BCAR3: variants seen among roughly 807,000 people sequenced by gnomAD.
The protein encoded by BCAR3 is BCAR3 adaptor protein, NSP family member.
A neutral mutation model predicts 80.1 loss-of-function variants in BCAR3; 37 were observed. The observed-to-expected ratio is 0.46, with a 90% CI of 0.36 to 0.61. BCAR3 has a LOEUF of 0.61. Among genes scored for constraint, BCAR3 ranks in the 20% least tolerant of loss-of-function variants. BCAR3 has a pLI of 0.00. For synonymous variants in BCAR3, 389 were observed against 418.9 expected (o/e 0.93, Z 0.87); for missense variants, 978 against 1,068.2 (o/e 0.92, Z 1.18).
In BCAR3 at chr1:93,702,641, G is replaced by A. The variant is rs537964965; in HGVS notation, c.-12+3451C>T. The stretch of plus-strand genomic sequence containing the variant: ...GAGCTCTCTCAGAGGCAGACATGAA[G>A]CCAAAGCACTTCATTAAGACAGGAG... On this transcript the variant is annotated intron_variant, in intron 3 of 13. Coordinates refer to the BCAR3 transcript ENST00000370244. Among the ~76,000 whole-genome samples the A allele has an allele frequency of 3.3e-5, 5 of 152,326 alleles. No homozygotes were observed. The South Asian group carries it at 1.0e-3, about 32-fold the overall frequency.
intron 2 of BCAR3, among the ~76,000 whole-genome samples, chr1:93,832,577 G>C (rs1478074943): frequency 6.6e-6 from 1 of 152,172 alleles, no homozygotes; most frequent in Non-Finnish European, 1.5e-5. Context: ...CATCACAGAT[G>C]CTTTGGGTAA....
chr1:93,845,502 A>ATATATCTCTATATCTCATGTTGTC, intron 2 of BCAR3: 1 of 113,822 alleles, frequency 8.8e-6, no homozygotes, highest in Non-Finnish European at 1.8e-5. Flanking sequence ...ATATATATAT[A>ATATATCTCTATATCTCATGTTGTC]AAACTTTGTT....
intron 2 of BCAR3, among the ~76,000 whole-genome samples, chr1:93,826,566 T>C (rs996418682): frequency 5.3e-5 from 8 of 152,190 alleles, no homozygotes; most frequent in African/African-American, 1.9e-4. Context: ...GGGCCTACCG[T>C]GTGCAGGAAG....
At chr1:93,833,028 G>A (rs952101367) in intron 2 of BCAR3, among the ~76,000 whole-genome samples, 1 of 151,996 alleles carries the variant, frequency 6.6e-6, no homozygotes, top group Non-Finnish European at 1.5e-5. Flanking sequence ...TCACCCTACT[G>A]GGGGAACTAG....
intron 2 of BCAR3, among the ~76,000 whole-genome samples, chr1:93,734,343 C>G (rs535818882): frequency 6.6e-6 from 1 of 152,154 alleles, no homozygotes; most frequent in South Asian, 2.1e-4. Flanking sequence ...AAACATTGCT[C>G]TATGACTTCA....
intron 3 of BCAR3, among the ~76,000 whole-genome samples, chr1:93,615,439 C>T (rs1041267927): frequency 3.9e-5 from 6 of 152,192 alleles, no homozygotes; most frequent in African/African-American, 1.2e-4. Context: ...ATTGCCACAG[C>T]GAGTGTGGGC....
intron 2 of BCAR3, among the ~76,000 whole-genome samples, chr1:93,827,188 A>G (rs1654402188): frequency 6.6e-6 from 1 of 152,178 alleles, no homozygotes; most frequent in Non-Finnish European, 1.5e-5. Context: ...AACAAGTGAA[A>G]CAAAAGCACC....
chr1:93,827,756 G>A (rs1654420393), intron 2 of BCAR3, among the ~76,000 whole-genome samples: 1 of 151,916 alleles, frequency 6.6e-6, no homozygotes, highest in Non-Finnish European at 1.5e-5. Flanking sequence ...GGAGAGAAAG[G>A]AGAAGGGAGG....
At chr1:93,703,711 T>C (rs773185014) in intron 3 of BCAR3, among the ~76,000 whole-genome samples, 12 of 152,202 alleles carry the variant, frequency 7.9e-5, no homozygotes, top group Non-Finnish European at 1.6e-4. Flanking sequence ...AACAATATTA[T>C]TGAGCCCCAC....
At chr1:93,571,636 A>G (rs1312018239) in intron 9 of BCAR3, 34 bp downstream of exon 9, 2 of 1,610,778 alleles carry the variant, frequency 1.2e-6, no homozygotes, top group Admixed American at 3.3e-5. Flanking sequence ...TCTTTACAGA[A>G]CATTAAGTAC....
At chr1:93,837,690 G>A (rs1654818083) in intron 2 of BCAR3, among the ~76,000 whole-genome samples, 1 of 152,192 alleles carries the variant, frequency 6.6e-6, no homozygotes, top group Admixed American at 6.5e-5. Context: ...AGTCCTGTAA[G>A]TAAGCCATAT....
At chr1:93,780,805 A>G (rs2100757704) in intron 2 of BCAR3, among the ~76,000 whole-genome samples, 1 of 152,328 alleles carries the variant, frequency 6.6e-6, no homozygotes, top group East Asian at 1.9e-4. Flanking sequence ...CCTCACTGAT[A>G]CCCCTTAACC....
At chr1:93,694,770 G>T (rs1395647170) in intron 3 of BCAR3, among the ~76,000 whole-genome samples, 2 of 152,184 alleles carry the variant, frequency 1.3e-5, no homozygotes, top group Admixed American at 1.3e-4. Flanking sequence ...ACATTTGGGA[G>T]ACCCCAAACC....
chr1:93,566,399 T>C lies in BCAR3; in HGVS notation c.2299+880A>G, dbSNP rs149535809. ...TCCCTTCCCCTAAGTGCTCCCACAG[T>C]ATACACTGCATTTATCGTACCTGCT... is the stretch of plus-strand genomic sequence containing the variant. On this transcript the variant is annotated intron_variant, in intron 11 of 11. Coordinates refer to ENST00000260502, the MANE Select transcript of BCAR3 (RefSeq NM_003567.4). Among the ~76,000 whole-genome samples, 137 of 152,292 alleles carry C rather than the reference T, an allele frequency of 9.0e-4. 1 individual carries two copies. Among genetic ancestry groups the C allele is most frequent in the African/African-American group, 3.1e-3 (128 of 41,570 alleles).
At chr1:93,704,564 T>C (rs565480985) in intron 3 of BCAR3, among the ~76,000 whole-genome samples, 1 of 152,318 alleles carries the variant, frequency 6.6e-6, no homozygotes, top group South Asian at 2.1e-4. Context: ...GCTATTATAC[T>C]ACACTTCACC....
At chr1:93,645,618 A>G (rs749282263) in intron 2 of BCAR3, among the ~76,000 whole-genome samples, 4 of 151,122 alleles carry the variant, frequency 2.6e-5, no homozygotes, top group African/African-American at 7.3e-5. Context: ...CTAAAGTACT[A>G]AAGTAAAGCT....
rs773949793 is a variant in BCAR3, at chr1:93,642,339, G to A, written c.322C>T (p.Pro108Ser). 6.2e-7 allele frequency: 1 copy of A among 1,612,976 alleles called. No individual in the cohort carries two copies. The highest frequency in any genetic ancestry group is 1.1e-5 in the South Asian group (1 of 91,042). The change falls in exon 3 of 12, where the codon CCA becomes TCA. Residue 108 changes from proline to serine, a missense_variant. Transcript: ENST00000260502. ...RHGETFTFRD[P>S]HLLDPTVEYV... ...TCCACAGTTGGGTCCAGAAGATGTG[G>A]ATCCCTGAAAAGAGAAAATATAAAT...
intron 3 of BCAR3, among the ~76,000 whole-genome samples, chr1:93,595,155 T>G (rs1297871985): frequency 2.0e-5 from 3 of 152,160 alleles, no homozygotes; most frequent in Non-Finnish European, 2.9e-5. Context: ...GGAAAGTACC[T>G]AGAGAGAGAG....
At chr1:93,567,886 T>C (rs146363915) in intron 9 of BCAR3, 35 bp from the exon 10 acceptor site, 11 of 1,568,124 alleles carry the variant, frequency 7.0e-6, no homozygotes, top group African/African-American at 2.7e-5. Context: ...AAAGGTTCTT[T>C]TTAAAATTAC....
Sources: allele counts gnomAD v4.1 joint callset (sites outside exome capture counted in the v4.1 genomes callset), GRCh38; gene constraint gnomAD v4.1.1; transcripts MANE v1.5; gene names NCBI Gene and HGNC (gene_info 2026-07-23, HGNC 2026-07-21).